ITFG1: variants seen among roughly 807,000 people sequenced by gnomAD.
ITFG1 encodes T-cell immunomodulatory protein.
In ITFG1, 34 loss-of-function variants were observed where a neutral mutation model predicts 81.8. The observed-to-expected ratio is 0.42, with a 90% CI of 0.32 to 0.55. The LOEUF (loss-of-function observed/expected upper bound fraction) is 0.55. ITFG1 is among the 20% of genes least tolerant of loss of function. The probability of loss-of-function intolerance (pLI) is 0.17; values close to 1 mark genes in which losing one functional copy is unlikely to be tolerated. For missense variants in ITFG1, 672 were observed against 755.4 expected (o/e 0.89, Z 1.29); for synonymous variants, 285 against 270.6 (o/e 1.05, Z -0.52).
intron 8 of ITFG1, among the ~76,000 whole-genome samples, chr16:47,314,753 T>C (rs1440756926): frequency 1.3e-5 from 2 of 152,230 alleles, no homozygotes; most frequent in Non-Finnish European, 2.9e-5. Flanking sequence ...GGATTGATTT[T>C]GTATTGCTTT....
At chr16:47,157,089 A>G (rs1413968253) in intron 17 of ITFG1, among the ~76,000 whole-genome samples, 4 of 152,208 alleles carry the variant, frequency 2.6e-5, no homozygotes, top group Admixed American at 6.5e-5. Flanking sequence ...GGCAGAGTCC[A>G]TAGGCAAGTG....
At chr16:47,379,079 A>G (rs1968362623) in intron 6 of ITFG1, among the ~76,000 whole-genome samples, 1 of 152,170 alleles carries the variant, frequency 6.6e-6, no homozygotes, top group Non-Finnish European at 1.5e-5. Flanking sequence ...GCTACCTTGC[A>G]GAAGGTTGCA....
chr16:47,166,498 G>A (rs1964891428), intron 14 of ITFG1, among the ~76,000 whole-genome samples: 1 of 152,002 alleles, frequency 6.6e-6, no homozygotes, highest in African/African-American at 2.4e-5. Flanking sequence ...TGAGTATTTA[G>A]TCATCATGAA....
intron 14 of ITFG1, among the ~76,000 whole-genome samples, chr16:47,195,084 C>T (rs1339514640): frequency 1.3e-5 from 2 of 152,132 alleles, no homozygotes; most frequent in Admixed American, 6.5e-5. Flanking sequence ...TTGCTTTCAT[C>T]TTTTTTTCAC....
chr16:47,231,572 C>T (rs575829884), intron 13 of ITFG1, among the ~76,000 whole-genome samples: 7 of 152,142 alleles, frequency 4.6e-5, no homozygotes, highest in African/African-American at 1.4e-4. Flanking sequence ...TACCTCTAGT[C>T]GTACCTGAAA....
intron 10 of ITFG1, among the ~76,000 whole-genome samples, chr16:47,296,112 T>C (rs990437475): frequency 6.6e-6 from 1 of 151,882 alleles, no homozygotes; most frequent in Non-Finnish European, 1.5e-5. Context: ...TATTTTTAAA[T>C]TGTTCGTAGA....
intron 8 of ITFG1, among the ~76,000 whole-genome samples, chr16:47,322,196 T>C (rs923708355): frequency 6.6e-6 from 1 of 152,186 alleles, no homozygotes; most frequent in Non-Finnish European, 1.5e-5. Context: ...AATCTGAACA[T>C]GATCAGAAAA....
At chr16:47,437,533 T>C (rs1178272191) in intron 5 of ITFG1, among the ~76,000 whole-genome samples, 4 of 149,822 alleles carry the variant, frequency 2.7e-5, no homozygotes, top group Non-Finnish European at 4.4e-5. Flanking sequence ...AGATTCAAAA[T>C]GTCCAAGGTG....
chr16:47,308,488 T>C (rs1021644741), intron 10 of ITFG1, among the ~76,000 whole-genome samples: 1 of 152,248 alleles, frequency 6.6e-6, no homozygotes, highest in African/African-American at 2.4e-5. Context: ...AGGATGCTGA[T>C]GAAAATGCAG....
At chr16:47,350,570 T>G (rs551513037) in intron 8 of ITFG1, among the ~76,000 whole-genome samples, 2 of 152,236 alleles carry the variant, frequency 1.3e-5, no homozygotes, top group East Asian at 1.9e-4. Flanking sequence ...AGGCAATAAT[T>G]AATAGCTTAC....
intron 6 of ITFG1, among the ~76,000 whole-genome samples, chr16:47,424,397 G>A (rs926069643): frequency 4.6e-5 from 7 of 152,156 alleles, no homozygotes; most frequent in African/African-American, 1.7e-4. Flanking sequence ...GCTTGGAGAA[G>A]TTTGCTATTA....
At chr16:47,413,138 A>AC (rs1208661473) in intron 6 of ITFG1, among the ~76,000 whole-genome samples, 2 of 152,148 alleles carry the variant, frequency 1.3e-5, no homozygotes, top group Non-Finnish European at 2.9e-5. Context: ...TACAAAGGAA[A>AC]CCCCATCAAG....
chr16:47,221,540 T>A (rs1470234929), intron 13 of ITFG1, among the ~76,000 whole-genome samples: 1 of 152,228 alleles, frequency 6.6e-6, no homozygotes, highest in Non-Finnish European at 1.5e-5. Context: ...TGGTCTAAAA[T>A]TCTCTTTTTT....
intron 6 of ITFG1, among the ~76,000 whole-genome samples, chr16:47,380,850 A>G (rs1314157129): frequency 6.6e-6 from 1 of 152,248 alleles, no homozygotes; most frequent in South Asian, 2.1e-4. Context: ...CAAATACTCC[A>G]TAACAAAAGA....
chr16:47,270,980 T>C (rs1294517922), intron 10 of ITFG1, among the ~76,000 whole-genome samples: 1 of 152,232 alleles, frequency 6.6e-6, no homozygotes, highest in African/African-American at 2.4e-5. Flanking sequence ...ATTGTGGTGA[T>C]ATTTTATAGA....
chr16:47,379,102 C>T (rs1968362955), intron 6 of ITFG1, among the ~76,000 whole-genome samples: 1 of 152,132 alleles, frequency 6.6e-6, no homozygotes, highest in Non-Finnish European at 1.5e-5. Context: ...CCTTTCTGGA[C>T]TAGTCTGCAT....
At chr16:47,451,311 A>C in intron 5 of ITFG1, 85 bp downstream of exon 5, 1 of 714,770 alleles carries the variant, frequency 1.4e-6, no homozygotes, top group Admixed American at 2.7e-5. Context: ...AAAAACAAGG[A>C]TTCCAATGAG....
intron 8 of ITFG1, among the ~76,000 whole-genome samples, chr16:47,344,377 G>A (rs1258368088): frequency 6.6e-6 from 1 of 152,264 alleles, no homozygotes; most frequent in East Asian, 1.9e-4. Context: ...AACTTTCTGG[G>A]TTAATGGAAG....
intron 2 of ITFG1, among the ~76,000 whole-genome samples, chr16:47,455,021 A>G (rs770031644): frequency 6.6e-6 from 1 of 152,224 alleles, no homozygotes; most frequent in Non-Finnish European, 1.5e-5. Context: ...GGAAAGTCTC[A>G]GGAATTAAGG....
Sources: allele counts gnomAD v4.1 joint callset (sites outside exome capture counted in the v4.1 genomes callset), GRCh38; gene constraint gnomAD v4.1.1; transcripts MANE v1.5; gene names NCBI Gene and HGNC (gene_info 2026-07-23, HGNC 2026-07-21).